The following RILPL1 variants were observed in gnomAD, a reference collection of about 807,000 sequenced individuals.
RILPL1 encodes Rab interacting lysosomal protein like 1, also known as RILP-like protein 1.
Under a neutral mutation model 50.3 loss-of-function variants are expected in RILPL1, and 33 were observed. The observed-to-expected ratio is 0.66, with a 90% CI of 0.50 to 0.88. The LOEUF (loss-of-function observed/expected upper bound fraction) is 0.88. Ranked by LOEUF, RILPL1 falls within the 40% of genes least tolerant of loss-of-function variation. The probability of loss-of-function intolerance (pLI) is 0.00; values close to 1 mark genes in which losing one functional copy is unlikely to be tolerated. For missense variants in RILPL1, 418 were observed against 542.5 expected (o/e 0.77, Z 2.28); for synonymous variants, 205 against 228.6 (o/e 0.90, Z 0.93).
At chr12:123,532,372 G>A (rs559280335) in intron 1 of RILPL1, among the ~76,000 whole-genome samples, 35 of 152,258 alleles carry the variant, frequency 2.3e-4, no homozygotes, top group African/African-American at 8.2e-4. Context: ...TGATCACAGG[G>A]CAGAGGCTTA....
chr12:123,473,470 A>T (rs952875840), intron 6 of RILPL1: 1 of 152,184 alleles, frequency 6.6e-6, no homozygotes, highest in Admixed American at 6.6e-5. Context: ...AGCCGAGATC[A>T]CGCCACTGCA....
chr12:123,475,558 T>G, intron 6 of RILPL1: 1 of 730,108 alleles, frequency 1.4e-6, no homozygotes, highest in Non-Finnish European at 2.4e-6. Flanking sequence ...GTGGCGGCCA[T>G]GCAGCTTAAG....
At chr12:123,472,754 C>T (rs910453419) in intron 6 of RILPL1, 72 bp from the exon 7 acceptor site, 36 of 1,512,266 alleles carry the variant, frequency 2.4e-5, no homozygotes, top group East Asian at 4.8e-5. Flanking sequence ...TTTGCAATGC[C>T]GGAGACATAT....
At chr12:123,512,733 T>A (rs1593588220) in intron 2 of RILPL1, among the ~76,000 whole-genome samples, 1 of 125,136 alleles carries the variant, frequency 8.0e-6, no homozygotes, top group Non-Finnish European at 1.7e-5. Flanking sequence ...CTGTGTGTGG[T>A]GTGTGAAGTT....
intron 6 of RILPL1, chr12:123,475,574 A>T (rs1881529308): frequency 2.4e-6 from 2 of 816,790 alleles, no homozygotes; most frequent in Non-Finnish European, 4.1e-6. Flanking sequence ...TTAAGTGGCC[A>T]GGGGGAGACA....
At chr12:123,476,728 C>A (rs983585677) in intron 6 of RILPL1, among the ~76,000 whole-genome samples, 1 of 152,166 alleles carries the variant, frequency 6.6e-6, no homozygotes, top group African/African-American at 2.4e-5. Flanking sequence ...ACGCCTTTAT[C>A]GTGGCCTTCT....
intron 2 of RILPL1, among the ~76,000 whole-genome samples, chr12:123,514,769 A>C (rs903562657): frequency 1.3e-5 from 2 of 152,106 alleles, no homozygotes; most frequent in Admixed American, 6.6e-5. Context: ...TGCTGAATTA[A>C]ATGATATACT....
chr12:123,480,328 T>A (rs1312303917), intron 6 of RILPL1, among the ~76,000 whole-genome samples: 1 of 149,242 alleles, frequency 6.7e-6, no homozygotes, highest in African/African-American at 2.4e-5. Context: ...ACCTGGCTAA[T>A]TTTTTTGTAT....
chr12:123,490,764 T>G (rs1301966769), intron 4 of RILPL1, among the ~76,000 whole-genome samples: 1 of 150,862 alleles, frequency 6.6e-6, no homozygotes, highest in East Asian at 1.9e-4. Context: ...TTTTTTTTTT[T>G]TTTGAGACAG....
At chr12:123,488,642 C>T (rs111625295) in intron 4 of RILPL1, among the ~76,000 whole-genome samples, 272 of 152,310 alleles carry the variant, frequency 1.8e-3, no homozygotes, top group African/African-American at 5.0e-3. Flanking sequence ...ACAACACCCA[C>T]TGCTGGGGCA....
rs992118100 is a variant in RILPL1 at position 123,508,272 on chromosome 12, T to C, written c.461-8736A>G. ...AGCCAGGCGTGGTGGCCCACGCCTA[T>C]AGTTCCAGCTACTTGGGAGGCTGAG... On this transcript the variant is annotated intron_variant, in intron 2 of 6. Coordinates refer to ENST00000376874, the MANE Select transcript of RILPL1 (RefSeq NM_178314.5). Among the ~76,000 whole-genome samples the C allele has an allele frequency of 3.9e-5, 6 of 152,166 alleles. No homozygotes were observed. In the East Asian group the frequency reaches 9.7e-4, roughly 24 times the overall value.
intron 2 of RILPL1, among the ~76,000 whole-genome samples, chr12:123,517,724 G>A (rs981503111): frequency 6.6e-6 from 1 of 152,092 alleles, no homozygotes; most frequent in Non-Finnish European, 1.5e-5. Context: ...GCTTCTGAGA[G>A]CACCGTTGAG....
rs987343122 is a variant in RILPL1 at position 123,501,348 on chromosome 12, C to T, written c.461-1812G>A. Among the ~76,000 whole-genome samples the T allele has an allele frequency of 8.6e-5, 13 of 151,450 alleles. 1 individual carries two copies. The highest frequency in any genetic ancestry group is 2.9e-5 in the Non-Finnish European group (2 of 67,908). On this transcript the variant is annotated intron_variant, in intron 2 of 6. Transcript: ENST00000376874. ...TAATCTCAGCTACTTAGGAGGCTGACGAGGGAGGAACACTTGAGCCCAGGA... is the reference window on the plus strand; with the variant it reads ...TAATCTCAGCTACTTAGGAGGCTGATGAGGGAGGAACACTTGAGCCCAGGA...
rs546636358 is a variant in RILPL1 at position 123,532,606 on chromosome 12, G to A, written c.309+568C>T. Among the ~76,000 whole-genome samples the A allele has an allele frequency of 8.2e-4, 124 of 151,690 alleles. 1 individual carries two copies. In the South Asian group the frequency reaches 0.025, roughly 30 times the overall value. On this transcript the variant is annotated intron_variant, in intron 1 of 6. Transcript: ENST00000376874. ...CGGGCTACCACAGGTTCATAAGCTAGGGGAGTCCCGGGAAGAAAGTTGCAA... is the reference window on the plus strand; with the variant it reads ...CGGGCTACCACAGGTTCATAAGCTAAGGGAGTCCCGGGAAGAAAGTTGCAA...
intron 2 of RILPL1, among the ~76,000 whole-genome samples, chr12:123,516,033 CAAA>C (rs749657516): frequency 3.0e-4 from 11 of 36,194 alleles, no homozygotes; most frequent in African/African-American, 6.5e-4. Flanking sequence ...GACTCTGTCT[CAAA>C]AAAAAAAAAA....
At chr12:123,499,355 C>G in intron 3 of RILPL1, 63 bp downstream of exon 3, 1 of 1,122,120 alleles carries the variant, frequency 8.9e-7, no homozygotes, top group South Asian at 1.3e-5. Context: ...AGTGGAGGGT[C>G]TGGTCTCTGG....
intron 2 of RILPL1, among the ~76,000 whole-genome samples, chr12:123,518,854 C>A (rs938488455): frequency 1.3e-5 from 2 of 151,780 alleles, no homozygotes; most frequent in Non-Finnish European, 2.9e-5. Context: ...GTCAGGAGAT[C>A]GAGACCATAC....
chr12:123,519,862 T>G (rs1253929901), intron 2 of RILPL1: 4 of 152,312 alleles, frequency 2.6e-5, no homozygotes, highest in African/African-American at 9.6e-5. Flanking sequence ...TGTCTCAGAT[T>G]GCTCACGTGT....
rs558736634 is a variant in RILPL1 at position 123,490,776 on chromosome 12, GT to G, written c.802-4972del. 1.3e-4 allele frequency among the ~76,000 whole-genome samples: 19 copies of G among 145,312 alleles called. No homozygotes were observed. The South Asian group carries it at 3.9e-3, about 30-fold the overall frequency. On this transcript the variant is annotated intron_variant, in intron 4 of 6. Transcript: ENST00000376874. Reference sequence around the variant, plus strand: ...TTTTTTTTTTTTTTTTTGAGACAGAGTTTTGCTCTTGTTGCCCAGGCTAGAG... The same window carrying G: ...TTTTTTTTTTTTTTTTTGAGACAGAGTTTGCTCTTGTTGCCCAGGCTAGAG...
Sources: allele counts gnomAD v4.1 joint callset (sites outside exome capture counted in the v4.1 genomes callset), GRCh38; gene constraint gnomAD v4.1.1; transcripts MANE v1.5; gene names NCBI Gene and HGNC (gene_info 2026-07-23, HGNC 2026-07-21).